FAM193A: variants seen among roughly 807,000 people sequenced by gnomAD.
FAM193A encodes the protein family with sequence similarity 193 member A.
FAM193A carries 22 observed loss-of-function variants against 126.5 expected under a neutral mutation model. The ratio of observed to expected loss-of-function variants is 0.17; its 90% CI spans 0.12 to 0.25. The LOEUF (loss-of-function observed/expected upper bound fraction) is 0.25, where lower values mean the gene tolerates loss of function less well. Ranked by LOEUF, FAM193A falls within the 10% of genes least tolerant of loss-of-function variation. The pLI, the probability that FAM193A is intolerant of heterozygous loss-of-function variation, is 1.00. For synonymous variants in FAM193A, 761 were observed against 646.8 expected (o/e 1.18, Z -2.68); for missense variants, 1,675 against 1,672.8 (o/e 1.00, Z -0.02).
chr4:2,549,373 T>TC (rs1377827596), intron 1 of FAM193A, among the ~76,000 whole-genome samples: 4 of 151,368 alleles, frequency 2.6e-5, no homozygotes, highest in Non-Finnish European at 5.9e-5. Flanking sequence ...ACGATTTTTT[T>TC]CCCTCTATGT....
At chr4:2,691,708 G>C (rs976986937) in intron 15 of FAM193A, among the ~76,000 whole-genome samples, 1 of 151,278 alleles carries the variant, frequency 6.6e-6, no homozygotes, top group Non-Finnish European at 1.5e-5. Context: ...GGGAGGCTGA[G>C]AGGGGAGGGT....
At chr4:2,706,292 T>TTTC (rs1560595074) in intron 19 of FAM193A, among the ~76,000 whole-genome samples, 4 of 46,532 alleles carry the variant, frequency 8.6e-5, no homozygotes, top group South Asian at 7.2e-4. Context: ...TCTTTCTTTC[T>TTTC]TTTTTTTTTT....
rs536477668 is a variant in FAM193A, at chr4:2,661,696, G to A, written c.1746-1142G>A. ...GGACACTCTTCACTCATTCTAGGAA[G>A]TGAGATCACGACGAGTTCCTAGGGT... On this transcript the variant is annotated intron_variant, in intron 10 of 20. Coordinates refer to ENST00000637812, the MANE Select transcript of FAM193A (RefSeq NM_001366318.2). Among the ~76,000 whole-genome samples, 11 of 152,224 alleles carry A rather than the reference G, an allele frequency of 7.2e-5. No homozygotes were observed. The East Asian group carries it at 1.5e-3, about 21-fold the overall frequency.
At chr4:2,658,150 A>G (rs1216209943) in intron 8 of FAM193A, among the ~76,000 whole-genome samples, 2 of 152,296 alleles carry the variant, frequency 1.3e-5, no homozygotes, top group African/African-American at 4.8e-5. Flanking sequence ...GGTATTTTGC[A>G]AAGGATATTA....
chr4:2,589,287 C>T (rs1222117280), intron 1 of FAM193A, among the ~76,000 whole-genome samples: 1 of 152,222 alleles, frequency 6.6e-6, no homozygotes, highest in African/African-American at 2.4e-5. Context: ...ATCTTATTTA[C>T]ATCTGTAGAA....
intron 20 of FAM193A, among the ~76,000 whole-genome samples, chr4:2,722,104 A>G (rs535392443): frequency 2.4e-4 from 36 of 152,266 alleles, no homozygotes; most frequent in Admixed American, 8.5e-4. Flanking sequence ...GGCTGTGACT[A>G]CCTCTTGGGA....
intron 12 of FAM193A, among the ~76,000 whole-genome samples, chr4:2,665,471 C>T (rs558253494): frequency 6.6e-6 from 1 of 152,072 alleles, no homozygotes. Flanking sequence ...TGCTTTTAAT[C>T]TTCCCTTCCC....
At chr4:2,671,673 G>A (rs891799908) in intron 12 of FAM193A, among the ~76,000 whole-genome samples, 2 of 152,210 alleles carry the variant, frequency 1.3e-5, no homozygotes, top group African/African-American at 4.8e-5. Flanking sequence ...TGAGGGAAAG[G>A]AGCCACTGAC....
intron 5 of FAM193A, 35 bp downstream of exon 5, chr4:2,631,204 A>G (rs756554870): frequency 1.9e-6 from 3 of 1,572,822 alleles, no homozygotes; most frequent in Non-Finnish European, 1.7e-6. Context: ...TTCTGTTTGG[A>G]TGAGCTGAAG....
intron 6 of FAM193A, among the ~76,000 whole-genome samples, chr4:2,645,192 C>T (rs971664860): frequency 1.3e-5 from 2 of 152,168 alleles, no homozygotes; most frequent in Non-Finnish European, 2.9e-5. Context: ...CTTAACCTTG[C>T]GCAGAATCTT....
intron 20 of FAM193A, among the ~76,000 whole-genome samples, chr4:2,719,137 A>G (rs1472973342): frequency 6.6e-6 from 1 of 152,192 alleles, no homozygotes; most frequent in African/African-American, 2.4e-5. Flanking sequence ...AATACCAGAA[A>G]AAATGAAAAA....
chr4:2,554,330 C>T lies in FAM193A; in HGVS notation c.255+17160C>T, dbSNP rs540476202. Among the ~76,000 whole-genome samples the T allele has an allele frequency of 6.6e-5, 10 of 151,996 alleles. No individual in the cohort carries two copies. The South Asian group carries it at 1.2e-3, about 19-fold the overall frequency. ...GAACTCCTGACCTCGTGATCCACCC[C>T]GCTCAGCCTCCCAAAGTGCTGGGAT... On this transcript the variant is annotated intron_variant, in intron 1 of 20. Coordinates refer to ENST00000637812, the MANE Select transcript of FAM193A (RefSeq NM_001366318.2).
chr4:2,634,914 C>A (rs1411238658), intron 5 of FAM193A, among the ~76,000 whole-genome samples: 1 of 152,160 alleles, frequency 6.6e-6, no homozygotes, highest in Non-Finnish European at 1.5e-5. Context: ...TACCCAGATG[C>A]GCAGTTAATC....
At chr4:2,731,126 G>T (rs1471305408) in intron 20 of FAM193A, among the ~76,000 whole-genome samples, 1 of 150,482 alleles carries the variant, frequency 6.6e-6, no homozygotes, top group Non-Finnish European at 1.5e-5. Context: ...AACGTGGGAG[G>T]CGGAGGCTTC....
chr4:2,651,939 G>C (rs774812028), intron 7 of FAM193A, among the ~76,000 whole-genome samples: 10 of 152,188 alleles, frequency 6.6e-5, no homozygotes, highest in Non-Finnish European at 1.5e-4. Context: ...CCCTTGCAAG[G>C]GTCGTTCGAA....
rs369952404 is a variant in FAM193A at position 2,540,972 on chromosome 4, C to CAA, written c.255+3817_255+3818dup. On this transcript the variant is annotated intron_variant, in intron 1 of 20. Transcript: ENST00000637812. ...CAAGACTGTGTCTCAAAATCCGTCT[C>CAA]AAAAAAAAAAAAAAAAGGGCAGGCG... Among the ~76,000 whole-genome samples, 16 of 86,772 alleles carry CAA rather than the reference C, an allele frequency of 1.8e-4. No individual in the cohort carries two copies. The South Asian group carries it at 2.6e-3, about 14-fold the overall frequency. The allele number at this position is 86,772 out of a possible 152,430, so 56.9% of individuals were successfully genotyped here.
chr4:2,699,392 T>C (rs1717407218), intron 18 of FAM193A, among the ~76,000 whole-genome samples: 1 of 151,194 alleles, frequency 6.6e-6, no homozygotes. Context: ...GTTACTGTGT[T>C]TAGTACCAGG....
At chr4:2,710,654 C>G (rs766684694) in intron 19 of FAM193A, among the ~76,000 whole-genome samples, 2 of 151,834 alleles carry the variant, frequency 1.3e-5, no homozygotes, top group African/African-American at 4.8e-5. Context: ...AGGTGGGCAC[C>G]ACCACACTCG....
At chr4:2,691,099 T>G in intron 15 of FAM193A, 129 bp downstream of exon 15, 1 of 760,552 alleles carries the variant, frequency 1.3e-6, no homozygotes, top group Non-Finnish European at 2.1e-6. Context: ...TGTAATTAAC[T>G]GCCCAAAAAT....
Sources: gnomAD v4.1 joint callset for allele counts (sites outside exome capture counted in the v4.1 genomes callset) on GRCh38, gnomAD v4.1.1 for gene constraint, MANE v1.5 for transcripts, NCBI Gene and HGNC (gene_info 2026-07-23, HGNC 2026-07-21) for gene names.